CDKL1: variants seen among roughly 807,000 people sequenced by gnomAD.
CDKL1 encodes the protein cyclin dependent kinase like 1.
A neutral mutation model predicts 42.0 loss-of-function variants in CDKL1; 41 were observed. That is an observed-to-expected ratio of 0.98 (90% CI 0.76 to 1.27). The LOEUF (loss-of-function observed/expected upper bound fraction) is 1.27. Among genes scored for constraint, CDKL1 ranks in the 50% most tolerant of loss-of-function variants. CDKL1 has a pLI of 0.00. For synonymous variants in CDKL1, 153 were observed against 158.6 expected, an observed-to-expected ratio of 0.96 and a Z score of 0.26; for missense variants, 394 against 428.4, an observed-to-expected ratio of 0.92 and a Z score of 0.71.
chr14:50,378,065 G>T (rs1441740403), intron 2 of CDKL1: 5 of 972,798 alleles, frequency 5.1e-6, no homozygotes, highest in African/African-American at 1.7e-5. Context: ...ATCTAGGATA[G>T]GGACATCTAC....
intron 2 of CDKL1, among the ~76,000 whole-genome samples, chr14:50,385,538 G>A (rs574199590): frequency 6.6e-6 from 1 of 152,038 alleles, no homozygotes; most frequent in Non-Finnish European, 1.5e-5. Context: ...AGGCGTGGTG[G>A]CTCACACCTG....
At chr14:50,367,066 C>G (rs1200886056) in intron 2 of CDKL1, among the ~76,000 whole-genome samples, 1 of 152,058 alleles carries the variant, frequency 6.6e-6, no homozygotes, top group Admixed American at 6.5e-5. Flanking sequence ...AGAAAGCTGT[C>G]TAAAGAACCC....
At chr14:50,351,425 G>A (rs1439876667) in intron 3 of CDKL1, among the ~76,000 whole-genome samples, 2 of 152,062 alleles carry the variant, frequency 1.3e-5, no homozygotes, top group Non-Finnish European at 2.9e-5. Context: ...AATGTACATT[G>A]AGAGGCTATT....
intron 4 of CDKL1, chr14:50,342,439 A>G: frequency 7.6e-7 from 1 of 1,323,900 alleles, no homozygotes; most frequent in Non-Finnish European, 9.6e-7. Flanking sequence ...AGCCAAGAAG[A>G]GTGAAAGGAA....
Position 50,326,612 on chromosome 14 carries a change from T to G in CDKL1, c.*3462A>C. On this transcript the variant is annotated 3_prime_UTR_variant, in exon 10 of 10. Transcript: ENST00000395834. The stretch of plus-strand genomic sequence containing the variant: ...AACAGTTGCTGCTTAATTTGTCTAT[T>G]TTGTAAGCTTAGGCTACTATTTTAT... 1.0e-6 allele frequency: 1 copy of G among 985,486 alleles called. No individual in the cohort carries two copies. Among genetic ancestry groups the G allele is most frequent in the Non-Finnish European group, 1.2e-6 (1 of 829,938 alleles). The allele number at this position is 985,486 out of a possible 1,614,324, so 61.0% of individuals were successfully genotyped here.
chr14:50,387,067 T>G (rs1595374554), intron 2 of CDKL1, among the ~76,000 whole-genome samples: 2 of 150,464 alleles, frequency 1.3e-5, no homozygotes, highest in Admixed American at 1.3e-4. Flanking sequence ...ATTAGCCTAG[T>G]GTGGTGATGC....
intron 3 of CDKL1, among the ~76,000 whole-genome samples, chr14:50,348,427 G>A (rs145149635): frequency 1.3e-4 from 20 of 152,288 alleles, no homozygotes; most frequent in Admixed American, 3.9e-4. Flanking sequence ...GTGAGATTGT[G>A]GATACCGTTC....
At chr14:50,339,118 C>A in intron 6 of CDKL1, 89 bp from the exon 7 acceptor site, 2 of 916,090 alleles carry the variant, frequency 2.2e-6, no homozygotes, top group Non-Finnish European at 3.6e-6. Flanking sequence ...TTTGTCTGTG[C>A]CCATATGCAT....
chr14:50,358,270 C>A (rs2034118540), intron 3 of CDKL1: 2 of 517,496 alleles, frequency 3.9e-6, no homozygotes, highest in Non-Finnish European at 6.0e-6. Context: ...CACTTGAAAC[C>A]AAAGAAATCC....
chr14:50,352,675 A>C (rs2139430910), intron 3 of CDKL1, among the ~76,000 whole-genome samples: 1 of 152,376 alleles, frequency 6.6e-6, no homozygotes, highest in South Asian at 2.1e-4. Flanking sequence ...CAGCCATCTC[A>C]TCACAGAACA....
intron 3 of CDKL1, among the ~76,000 whole-genome samples, chr14:50,347,302 A>T (rs2033759390): frequency 6.6e-6 from 1 of 152,162 alleles, no homozygotes; most frequent in African/African-American, 2.4e-5. Flanking sequence ...AACTATAAAA[A>T]GGGGAAAAAT....
intron 2 of CDKL1, among the ~76,000 whole-genome samples, chr14:50,383,241 T>C (rs1166005382): frequency 2.0e-5 from 3 of 151,902 alleles, no homozygotes; most frequent in Non-Finnish European, 4.4e-5. Context: ...TGGAGTCTTA[T>C]AATAACGATA....
intron 3 of CDKL1, 81 bp downstream of exon 3, chr14:50,358,947 G>A: frequency 7.0e-7 from 1 of 1,431,868 alleles, no homozygotes; most frequent in African/African-American, 1.4e-5. Flanking sequence ...GCCTTACCTA[G>A]TCTTAAAAAG....
At chr14:50,374,254 AG>A in intron 2 of CDKL1, among the ~76,000 whole-genome samples, 1 of 152,352 alleles carries the variant, frequency 6.6e-6, no homozygotes, top group East Asian at 1.9e-4. Context: ...AACAGGTGTC[AG>A]GGGTTCAGAG....
rs2032992999 is a variant in CDKL1, at chr14:50,332,281, C to G, written c.947G>C (p.Cys316Ser). Reference protein sequence around the residue: ...KTLRKSRKHHCFTETSKLQYL... With the variant: ...KTLRKSRKHHSFTETSKLQYL... ...TATAACCTTGGATGTTTCTGTAAAGCAGTGGTGCTTTCGGCTCTTTCTTAG... is the reference window on the plus strand; with the variant it reads ...TATAACCTTGGATGTTTCTGTAAAGGAGTGGTGCTTTCGGCTCTTTCTTAG... Residue 316 changes from cysteine to serine, a missense_variant, in exon 9 of 10, where the codon TGC (cysteine) becomes TCC (serine). Physicochemically the swap from Cys to Ser is moderately radical, Grantham distance 112 (BLOSUM62 -1). Transcript: ENST00000395834. The G allele has an allele frequency of 6.2e-7, 1 of 1,614,024 alleles. No homozygotes were observed. The highest frequency in any genetic ancestry group is 1.3e-5 in the African/African-American group (1 of 74,898).
intron 9 of CDKL1, chr14:50,331,929 A>T: frequency 9.2e-7 from 1 of 1,082,146 alleles, no homozygotes; most frequent in Non-Finnish European, 1.3e-6. Flanking sequence ...ACAGAACTGC[A>T]TGGGGAAAAT....
chr14:50,351,137 A>G (rs1467086935), intron 3 of CDKL1, among the ~76,000 whole-genome samples: 1 of 152,148 alleles, frequency 6.6e-6, no homozygotes, highest in Non-Finnish European at 1.5e-5. Flanking sequence ...CTGTGTGATT[A>G]TATCATCTTT....
intron 2 of CDKL1, among the ~76,000 whole-genome samples, chr14:50,382,318 T>G (rs990872372): frequency 6.6e-6 from 1 of 151,984 alleles, no homozygotes; most frequent in Non-Finnish European, 1.5e-5. Context: ...CCAGGCGTGG[T>G]AGCGGGCGCC....
intron 2 of CDKL1, among the ~76,000 whole-genome samples, chr14:50,380,802 C>CTTTGTT (rs368170212): frequency 1.5e-5 from 2 of 134,604 alleles, no homozygotes; most frequent in African/African-American, 5.4e-5. Context: ...CTGTGACTTC[C>CTTTGTT]TTTTTTTTTT....
Sources: gnomAD v4.1 joint callset for allele counts (sites outside exome capture counted in the v4.1 genomes callset) on GRCh38, gnomAD v4.1.1 for gene constraint, MANE v1.5 for transcripts, NCBI Gene and HGNC (gene_info 2026-07-23, HGNC 2026-07-21) for gene names.